Variants in TSTD2 observed in about 807,000 individuals in gnomAD.
TSTD2 encodes the protein thiosulfate sulfurtransferase like domain containing 2, also known as thiosulfate sulfurtransferase/rhodanese-like domain-containing protein 2.
Under a neutral mutation model 47.9 loss-of-function variants are expected in TSTD2, and 37 were observed. The observed-to-expected ratio is 0.77, with a 90% CI of 0.59 to 1.02. TSTD2 has a LOEUF of 1.02. Among genes scored for constraint, TSTD2 ranks in the 50% least tolerant of loss-of-function variants. The pLI, the probability that TSTD2 is intolerant of heterozygous loss-of-function variation, is 0.00. For synonymous variants in TSTD2, 201 were observed against 215.9 expected (o/e 0.93, Z 0.61); for missense variants, 586 against 616.0 (o/e 0.95, Z 0.52).
At chr9:97,613,038 G>A (rs1826482786) in intron 4 of TSTD2, among the ~76,000 whole-genome samples, 1 of 152,208 alleles carries the variant, frequency 6.6e-6, no homozygotes. Flanking sequence ...TAGCTTAACA[G>A]AGTCCTCCAC....
At chr9:97,607,883 T>C (rs1306757740) in intron 6 of TSTD2, among the ~76,000 whole-genome samples, 1 of 151,522 alleles carries the variant, frequency 6.6e-6, no homozygotes, top group African/African-American at 2.4e-5. Flanking sequence ...TGAGACTCCG[T>C]CTCAAAAAAA....
chr9:97,609,821 A>C (rs1826427171), intron 6 of TSTD2, among the ~76,000 whole-genome samples: 1 of 152,214 alleles, frequency 6.6e-6, no homozygotes, highest in Non-Finnish European at 1.5e-5. Context: ...TGATAGGTAC[A>C]TAGAACTTCA....
At chr9:97,604,468 G>C in intron 9 of TSTD2, 1 of 409,738 alleles carries the variant, frequency 2.4e-6, no homozygotes, top group Non-Finnish European at 4.3e-6. Flanking sequence ...AGGCAGGGCA[G>C]GTGAGATGAT....
rs1171070007 is a variant in TSTD2, at chr9:97,600,797, TA to T, written c.*1671del. On this transcript the variant is annotated 3_prime_UTR_variant, in exon 10 of 10. Coordinates refer to ENST00000341170, the MANE Select transcript of TSTD2 (RefSeq NM_139246.5). The stretch of plus-strand genomic sequence containing the variant: ...TGATTACACTGAAATGTAGTATTAG[TA>T]CTGCTGCCAGATCTCTTTTTAACAT... 1.9e-6 allele frequency: 2 copies of T among 1,074,312 alleles called. No individual in the cohort carries two copies. Among genetic ancestry groups the T allele is most frequent in the Non-Finnish European group, 2.3e-6 (2 of 880,762 alleles). The allele number at this position is 1,074,312 out of a possible 1,614,324, so 66.5% of individuals were successfully genotyped here. A position where few individuals can be genotyped will look rare whatever the true frequency, so the allele number is the denominator to read the frequency against.
chr9:97,627,914 G>A (rs1826748574), intron 1 of TSTD2, among the ~76,000 whole-genome samples: 2 of 152,168 alleles, frequency 1.3e-5, no homozygotes, highest in African/African-American at 4.8e-5. Context: ...TGGTGTAAAG[G>A]TTATGAAGAA....
chr9:97,622,089 C>CT (rs1826648432), intron 3 of TSTD2, among the ~76,000 whole-genome samples: 1 of 152,022 alleles, frequency 6.6e-6, no homozygotes, highest in Non-Finnish European at 1.5e-5. Flanking sequence ...TAGAAAAGAA[C>CT]CTACGTTGAC....
intron 1 of TSTD2, among the ~76,000 whole-genome samples, chr9:97,631,023 G>A (rs763331416): frequency 2.0e-5 from 3 of 152,148 alleles, no homozygotes; most frequent in Non-Finnish European, 2.9e-5. Context: ...TTCCTTATCT[G>A]AGTAAAAGAC....
chr9:97,627,205 G>C, intron 2 of TSTD2, 193 bp downstream of exon 2: 1 of 1,122,552 alleles, frequency 8.9e-7, no homozygotes, highest in Non-Finnish European at 1.1e-6. Context: ...CCCTCCTCAA[G>C]TACTCCACCA....
chr9:97,610,624 C>T (rs7036604), intron 5 of TSTD2, among the ~76,000 whole-genome samples, 173 bp from the exon 6 acceptor site: 17,988 of 152,226 alleles, frequency 0.12, 3,019 homozygotes, highest in African/African-American at 0.37. Context: ...TAAATACTTA[C>T]TGCATACCTG....
At chr9:97,632,985 C>T (rs1033027102) in intron 1 of TSTD2, among the ~76,000 whole-genome samples, 3 of 152,236 alleles carry the variant, frequency 2.0e-5, no homozygotes, top group African/African-American at 7.2e-5. Context: ...CATATAGGTA[C>T]CCAATAACCC....
intron 6 of TSTD2, among the ~76,000 whole-genome samples, chr9:97,606,995 T>A (rs1267942324): frequency 6.6e-6 from 1 of 152,072 alleles, no homozygotes; most frequent in Non-Finnish European, 1.5e-5. Flanking sequence ...CGAGACTCTG[T>A]CTCTAAAAAA....
In TSTD2 at chr9:97,605,507, C is replaced by T; in HGVS notation, c.1089G>A (p.Arg363=). ...MYCTGGIRCE[R]GSAYLKAKGV... ...CCTTGGCTTTGAGGTAGGCTGAACC[C>T]CGCTCACAGCGGATGCCCCCGGTAC... Residue 363 remains arginine (R), a synonymous_variant, in exon 8 of 10, where the codon CGG becomes CGA. Coordinates refer to ENST00000341170, the MANE Select transcript of TSTD2 (RefSeq NM_139246.5). 1.2e-6 allele frequency: 2 copies of T among 1,613,886 alleles called. No individual in the cohort carries two copies. The highest frequency in any genetic ancestry group is 1.1e-5 in the South Asian group (1 of 91,056).
At position 97,600,772 on chromosome 9, in the gene TSTD2, T is replaced by C. The variant is rs961624331; in HGVS notation, c.*1697A>G. 9.9e-7 allele frequency: 1 copy of C among 1,012,456 alleles called. No individual in the cohort carries two copies. Among genetic ancestry groups the C allele is most frequent in the Non-Finnish European group, 1.2e-6 (1 of 845,832 alleles). 62.7% of individuals were successfully genotyped at this position (1,012,456 alleles called of 1,614,324 possible). A position where few individuals can be genotyped will look rare whatever the true frequency, so the allele number is the denominator to read the frequency against. On this transcript the variant is annotated 3_prime_UTR_variant, in exon 10 of 10. Transcript: ENST00000341170. ...AAATCCTGGCCAAACCACCCCAAGA[T>C]GATTACACTGAAATGTAGTATTAGT... is the stretch of plus-strand genomic sequence containing the variant.
chr9:97,600,293 C>CT lies in TSTD2; in HGVS notation c.*2175dup, dbSNP rs1295981418. 1 of 986,016 alleles carries CT rather than the reference C, an allele frequency of 1.0e-6. No individual in the cohort carries two copies. The highest frequency in any genetic ancestry group is 1.2e-6 in the Non-Finnish European group (1 of 830,228). The allele number at this position is 986,016 out of a possible 1,614,324, so 61.1% of individuals were successfully genotyped here. On this transcript the variant is annotated 3_prime_UTR_variant, in exon 10 of 10. Coordinates refer to ENST00000341170, the MANE Select transcript of TSTD2 (RefSeq NM_139246.5). Reference sequence around the variant, plus strand: ...TCTGCCAGGAGTCAACATGAGATTCCTTTTGCTGGATATGCAGAAATGATA... The same window carrying CT: ...TCTGCCAGGAGTCAACATGAGATTCCTTTTTGCTGGATATGCAGAAATGATA...
At chr9:97,613,620 G>C (rs570424376) in intron 4 of TSTD2, among the ~76,000 whole-genome samples, 1 of 152,156 alleles carries the variant, frequency 6.6e-6, no homozygotes, top group East Asian at 1.9e-4. Flanking sequence ...AGGGAACTGA[G>C]CTCTCTAAAG....
chr9:97,608,274 A>G (rs1826399270), intron 6 of TSTD2, among the ~76,000 whole-genome samples: 1 of 152,200 alleles, frequency 6.6e-6, no homozygotes, highest in African/African-American at 2.4e-5. Flanking sequence ...CCCTGCTGCT[A>G]TGATTGCAGT....
Position 97,600,443 on chromosome 9 carries a change from G to C in TSTD2, c.*2026C>G, listed in dbSNP as rs1185618089. On this transcript the variant is annotated 3_prime_UTR_variant, in exon 10 of 10. Transcript: ENST00000341170. ...GGGATTTATGTACAATTTAATACTG[G>C]AGTTAGAACTTTTTCCTTATTGAAT... The C allele has an allele frequency of 1.0e-6, 1 of 985,498 alleles. No homozygotes were observed. Among genetic ancestry groups the C allele is most frequent in the African/African-American group, 1.7e-5 (1 of 57,234 alleles). 61.0% of individuals were successfully genotyped at this position (985,498 alleles called of 1,614,324 possible). A position where few individuals can be genotyped will look rare whatever the true frequency, so the allele number is the denominator to read the frequency against.
intron 9 of TSTD2, 81 bp from the exon 10 acceptor site, chr9:97,602,848 G>T: frequency 7.1e-7 from 1 of 1,403,890 alleles, no homozygotes; most frequent in Non-Finnish European, 9.7e-7. Flanking sequence ...TTGCTGACTA[G>T]AATCTCGTAG....
chr9:97,623,538 A>G (rs529221983), intron 3 of TSTD2, among the ~76,000 whole-genome samples: 101 of 152,264 alleles, frequency 6.6e-4, no homozygotes, highest in African/African-American at 2.4e-3. Context: ...TCTCCTCCCT[A>G]AAGAATATGT....
Sources: allele counts gnomAD v4.1 joint callset (sites outside exome capture counted in the v4.1 genomes callset), GRCh38; gene constraint gnomAD v4.1.1; transcripts MANE v1.5; gene names NCBI Gene and HGNC (gene_info 2026-07-23, HGNC 2026-07-21).